STYX: variants seen among roughly 807,000 people sequenced by gnomAD.
STYX encodes serine/threonine/tyrosine-interacting protein.
A neutral mutation model predicts 42.7 loss-of-function variants in STYX; 20 were observed. The ratio of observed to expected loss-of-function variants is 0.47; its 90% CI spans 0.33 to 0.68. The LOEUF is 0.68. Among genes scored for constraint, STYX ranks in the 30% least tolerant of loss-of-function variants. The pLI is 0.02. For synonymous variants in STYX, 78 were observed against 81.9 expected, an observed-to-expected ratio of 0.95 and a Z score of 0.26; for missense variants, 226 against 268.5, an observed-to-expected ratio of 0.84 and a Z score of 1.11.
At position 52,774,629 on chromosome 14, in the gene STYX, C is replaced by A. The variant is rs1594887947; in HGVS notation, c.*3523C>A. Reference sequence around the variant, plus strand: ...TTTTTGTCTTTCCCATCTGTGGCAGCTAAAACAAAAATCACTCAAAATATT... The same window carrying A: ...TTTTTGTCTTTCCCATCTGTGGCAGATAAAACAAAAATCACTCAAAATATT... On this transcript the variant is annotated 3_prime_UTR_variant, in exon 11 of 11. Coordinates refer to ENST00000354586, the MANE Select transcript of STYX (RefSeq NM_145251.4). 6.9e-6 allele frequency: 1 copy of A among 144,372 alleles called. No homozygotes were observed. The highest frequency in any genetic ancestry group is 2.6e-5 in the African/African-American group (1 of 38,800). The allele number at this position is 144,372 out of a possible 1,614,324, so 8.9% of individuals were successfully genotyped here.
intron 1 of STYX, among the ~76,000 whole-genome samples, chr14:52,735,375 GCAGATA>G (rs1252001961): frequency 6.6e-6 from 1 of 152,136 alleles, no homozygotes; most frequent in Non-Finnish European, 1.5e-5. Context: ...CCAGGAAAGG[GCAGATA>G]CAATGAGGGG....
intron 2 of STYX, 80 bp from the exon 3 acceptor site, chr14:52,746,346 C>A: frequency 1.9e-6 from 2 of 1,027,526 alleles, no homozygotes; most frequent in Non-Finnish European, 2.8e-6. Flanking sequence ...TTGATTTGGC[C>A]AAATAAGGTT....
rs1303826945 is a variant in STYX, at chr14:52,759,626, T to C, written c.432-56T>C. ...CCCTCTCTATTGCTAAGTTGTATGA[T>C]TATGATTAATTCATTAAATAATGCT... On this transcript the variant is annotated intron_variant, in intron 8 of 10. Coordinates refer to ENST00000354586, the MANE Select transcript of STYX (RefSeq NM_145251.4). The C allele has an allele frequency of 2.5e-6, 3 of 1,211,562 alleles. No homozygotes were observed. The African/African-American group carries it at 4.5e-5, about 18-fold the overall frequency. The allele number at this position is 1,211,562 out of a possible 1,614,324, so 75.1% of individuals were successfully genotyped here. A position where few individuals can be genotyped will look rare whatever the true frequency, so the allele number is the denominator to read the frequency against.
At chr14:52,731,433 C>CTTTTTTTTTTTTTTTT (rs34855760) in intron 1 of STYX, among the ~76,000 whole-genome samples, 1 of 105,628 alleles carries the variant, frequency 9.5e-6, no homozygotes, top group Non-Finnish European at 1.8e-5. Context: ...TGGAGGTTCA[C>CTTTTTTTTTTTTTTTT]TTTTTTTTTT....
chr14:52,748,169 A>G (rs1881466544), intron 3 of STYX, among the ~76,000 whole-genome samples: 1 of 152,188 alleles, frequency 6.6e-6, no homozygotes, highest in Admixed American at 6.5e-5. Flanking sequence ...CAACAACAAA[A>G]AATAATAATG....
chr14:52,770,745 G>A (rs1197200585), intron 10 of STYX, among the ~76,000 whole-genome samples: 1 of 151,892 alleles, frequency 6.6e-6, no homozygotes, highest in African/African-American at 2.4e-5. Flanking sequence ...AAACATTTAT[G>A]TATTATCTCT....
Position 52,771,133 on chromosome 14 carries a change from A to T in STYX, c.*27A>T, listed in dbSNP as rs777340558. ...TTGAAGAGCAACATCATAGAGTGTG[A>T]ATTTCTATTTGGGAAGGAGAAAATA... is the stretch of plus-strand genomic sequence containing the variant. On this transcript the variant is annotated 3_prime_UTR_variant, in exon 11 of 11. Coordinates refer to ENST00000354586, the MANE Select transcript of STYX (RefSeq NM_145251.4). 6.4e-7 allele frequency: 1 copy of T among 1,566,188 alleles called. No individual in the cohort carries two copies. The highest frequency in any genetic ancestry group is 1.2e-5 in the South Asian group (1 of 82,666).
chr14:52,743,699 A>G lies in STYX; in HGVS notation c.58-1153A>G, dbSNP rs556850310. Among the ~76,000 whole-genome samples the G allele has an allele frequency of 1.1e-4, 17 of 152,348 alleles. No homozygotes were observed. In the South Asian group the frequency reaches 3.3e-3, roughly 30 times the overall value. On this transcript the variant is annotated intron_variant, in intron 1 of 10. Coordinates refer to ENST00000354586, the MANE Select transcript of STYX (RefSeq NM_145251.4). Reference sequence around the variant, plus strand: ...ATAATCCTAAAATTGTTTCAAAATAAAAGGTTAAAAAAATATTTTCCAGAC... The same window carrying G: ...ATAATCCTAAAATTGTTTCAAAATAGAAGGTTAAAAAAATATTTTCCAGAC...
chr14:52,761,198 C>T (rs1167768374), intron 9 of STYX, among the ~76,000 whole-genome samples: 3 of 151,854 alleles, frequency 2.0e-5, no homozygotes, highest in Non-Finnish European at 4.4e-5. Context: ...TGTGGTGATG[C>T]ATGCCTGTAA....
rs767827403 is a variant in STYX at position 52,773,941 on chromosome 14, G to A, written c.*2835G>A. 6.6e-6 allele frequency: 1 copy of A among 152,134 alleles called. No individual in the cohort carries two copies. The highest frequency in any genetic ancestry group is 2.4e-5 in the African/African-American group (1 of 41,432). 9.4% of individuals were successfully genotyped at this position (152,134 alleles called of 1,614,324 possible). On this transcript the variant is annotated 3_prime_UTR_variant, in exon 11 of 11. Transcript: ENST00000354586. ...TGGGCCCATAATTTATAGTGAAATT[G>A]TATCAAAACATAGGGAAACTGTATT...
At chr14:52,732,584 A>G (rs1880779215) in intron 1 of STYX, among the ~76,000 whole-genome samples, 1 of 151,022 alleles carries the variant, frequency 6.6e-6, no homozygotes, top group Non-Finnish European at 1.5e-5. Context: ...ATATACTCTT[A>G]GAAAACAGGA....
At chr14:52,749,560 T>A (rs140689644) in intron 3 of STYX, among the ~76,000 whole-genome samples, 142 of 152,334 alleles carry the variant, frequency 9.3e-4, no homozygotes, top group Non-Finnish European at 1.6e-3. Flanking sequence ...TTATACATAC[T>A]TGATACTTAA....
At chr14:52,732,256 C>A (rs1880754019) in intron 1 of STYX, among the ~76,000 whole-genome samples, 1 of 144,824 alleles carries the variant, frequency 6.9e-6, no homozygotes, top group Non-Finnish European at 1.5e-5. Flanking sequence ...GCGCGCACCG[C>A]CAGGCCCAGC....
At chr14:52,764,154 G>A (rs185160980) in intron 9 of STYX, among the ~76,000 whole-genome samples, 15 of 151,874 alleles carry the variant, frequency 9.9e-5, no homozygotes, top group African/African-American at 2.9e-4. Context: ...CACCACGCCC[G>A]GCTAATTTTT....
At position 52,742,445 on chromosome 14, in the gene STYX, T is replaced by C. The variant is rs146388180; in HGVS notation, c.58-2407T>C. Among the ~76,000 whole-genome samples, 14 of 152,048 alleles carry C rather than the reference T, an allele frequency of 9.2e-5. No homozygotes were observed. In the East Asian group the frequency reaches 2.5e-3, roughly 27 times the overall value. On this transcript the variant is annotated intron_variant, in intron 1 of 10. Transcript: ENST00000354586. ...AAGTCCCATACATTGCTGGTGGGAG[T>C]GTACAGTGGTTTTACAAAACTTTTG...
At chr14:52,768,719 A>G in intron 9 of STYX, 121 bp from the exon 10 acceptor site, 1 of 608,048 alleles carries the variant, frequency 1.6e-6, no homozygotes, top group Non-Finnish European at 2.7e-6. Context: ...CTCTTCAAAC[A>G]ATATGGCACT....
chr14:52,771,120 A>G lies in STYX; in HGVS notation c.*14A>G. On this transcript the variant is annotated 3_prime_UTR_variant, in exon 11 of 11. Coordinates refer to ENST00000354586, the MANE Select transcript of STYX (RefSeq NM_145251.4). ...CAGAATGGCTGACTTGAAGAGCAAC[A>G]TCATAGAGTGTGAATTTCTATTTGG... 6.3e-7 allele frequency: 1 copy of G among 1,589,114 alleles called. No homozygotes were observed. The highest frequency in any genetic ancestry group is 8.6e-7 in the Non-Finnish European group (1 of 1,165,842).
chr14:52,741,329 G>T (rs1273912254), intron 1 of STYX, among the ~76,000 whole-genome samples: 1 of 151,730 alleles, frequency 6.6e-6, no homozygotes. Flanking sequence ...AGCAATGTGT[G>T]AGAGTCCCAG....
chr14:52,765,939 A>G (rs868195946), intron 9 of STYX, among the ~76,000 whole-genome samples: 2 of 152,178 alleles, frequency 1.3e-5, no homozygotes, highest in African/African-American at 4.8e-5. Flanking sequence ...TCTGCAGTCC[A>G]GGGGTGGGGA....
Sources: allele counts gnomAD v4.1 joint callset (sites outside exome capture counted in the v4.1 genomes callset), GRCh38; gene constraint gnomAD v4.1.1; transcripts MANE v1.5; gene names NCBI Gene and HGNC (gene_info 2026-07-23, HGNC 2026-07-21).